The following LRBA variants were observed in gnomAD, a reference collection of about 807,000 sequenced individuals.
LRBA encodes lipopolysaccharide-responsive and beige-like anchor protein.
Under a neutral mutation model 330.0 loss-of-function variants are expected in LRBA, and 176 were observed. The ratio of observed to expected loss-of-function variants is 0.53; its 90% confidence interval spans 0.47 to 0.60. The LOEUF is 0.60. Ranked by LOEUF, LRBA falls within the 20% of genes least tolerant of loss-of-function variation. The pLI is 0.00. For synonymous variants in LRBA, 1,230 were observed against 1,193.0 expected (o/e 1.03, Z -0.64); for missense variants, 3,259 against 3,444.8 (o/e 0.95, Z 1.35).
intron 30 of LRBA, among the ~76,000 whole-genome samples, chr4:150,824,963 C>A (rs950669151): frequency 1.3e-5 from 2 of 151,810 alleles, no homozygotes; most frequent in Non-Finnish European, 2.9e-5. Context: ...TAAAATCTCA[C>A]CGTGTTGCCC....
chr4:150,626,974 T>C (rs1414812431), intron 37 of LRBA, among the ~76,000 whole-genome samples: 2 of 152,280 alleles, frequency 1.3e-5, no homozygotes, highest in East Asian at 1.9e-4. Context: ...GCAACACTTA[T>C]GTTAATGTAA....
chr4:150,486,355 G>C (rs932102423), intron 42 of LRBA, among the ~76,000 whole-genome samples: 18 of 151,610 alleles, frequency 1.2e-4, no homozygotes, highest in African/African-American at 3.9e-4. Context: ...AAATTATATA[G>C]TTTAGGCAAA....
chr4:150,744,435 T>C (rs904115390), intron 35 of LRBA, among the ~76,000 whole-genome samples: 3 of 152,226 alleles, frequency 2.0e-5, no homozygotes, highest in Admixed American at 2.0e-4. Context: ...TGTCAATATT[T>C]CCTTTGTAAT....
intron 55 of LRBA, 106 bp downstream of exon 55, chr4:150,282,344 C>T (rs1747639466): frequency 3.0e-6 from 3 of 1,003,264 alleles, no homozygotes; most frequent in South Asian, 2.9e-5. Flanking sequence ...AAAAGAGGCC[C>T]TCGGCAATCC....
At chr4:150,359,382 T>C (rs1031533608) in intron 47 of LRBA, among the ~76,000 whole-genome samples, 1 of 152,098 alleles carries the variant, frequency 6.6e-6, no homozygotes, top group Non-Finnish European at 1.5e-5. Flanking sequence ...TGAGAGGTAG[T>C]GAGAGCCTTA....
chr4:150,441,836 G>A (rs557642995), intron 44 of LRBA, among the ~76,000 whole-genome samples: 1 of 152,140 alleles, frequency 6.6e-6, no homozygotes, highest in East Asian at 1.9e-4. Context: ...TTTCAAAAAT[G>A]TGCTGTAATC....
At chr4:150,993,440 C>T (rs892290879) in intron 2 of LRBA, among the ~76,000 whole-genome samples, 5 of 152,174 alleles carry the variant, frequency 3.3e-5, no homozygotes, top group African/African-American at 1.2e-4. Context: ...ATAGTAGGCT[C>T]ACACCTGTAA....
intron 2 of LRBA, among the ~76,000 whole-genome samples, chr4:150,934,647 G>A (rs997061549): frequency 2.0e-5 from 3 of 151,994 alleles, no homozygotes; most frequent in African/African-American, 7.2e-5. Flanking sequence ...AAAGGTGGGT[G>A]GATCACCTGA....
At chr4:150,654,280 G>A (rs962002545) in intron 37 of LRBA, among the ~76,000 whole-genome samples, 14 of 152,000 alleles carry the variant, frequency 9.2e-5, no homozygotes, top group African/African-American at 3.4e-4. Flanking sequence ...TCTGCCTCCC[G>A]GGTTCAAGCA....
At chr4:150,559,358 T>C (rs1383374980) in intron 40 of LRBA, among the ~76,000 whole-genome samples, 1 of 150,906 alleles carries the variant, frequency 6.6e-6, no homozygotes, top group Non-Finnish European at 1.5e-5. Context: ...GTCAAGAGAT[T>C]GAGACCATCC....
At chr4:151,005,324 A>C (rs1743886753) in intron 2 of LRBA, among the ~76,000 whole-genome samples, 1 of 148,820 alleles carries the variant, frequency 6.7e-6, no homozygotes. Context: ...AGGCGCCTGT[A>C]ATCCCAGTGA....
chr4:150,602,188 C>T (rs1030554508), intron 37 of LRBA, among the ~76,000 whole-genome samples: 6 of 152,090 alleles, frequency 3.9e-5, no homozygotes, highest in Admixed American at 3.9e-4. Flanking sequence ...GATCACATAT[C>T]TAGAAAGAAT....
At chr4:150,306,356 C>G (rs1422786005) in intron 52 of LRBA, among the ~76,000 whole-genome samples, 1 of 151,784 alleles carries the variant, frequency 6.6e-6, no homozygotes, top group Non-Finnish European at 1.5e-5. Context: ...TATTACTGAT[C>G]ATATGATTTT....
intron 48 of LRBA, among the ~76,000 whole-genome samples, chr4:150,338,735 C>T (rs1013951072): frequency 4.6e-5 from 7 of 152,130 alleles, no homozygotes; most frequent in Admixed American, 2.6e-4. Flanking sequence ...TAGGAAAGGA[C>T]AATGAGTTCT....
intron 42 of LRBA, among the ~76,000 whole-genome samples, chr4:150,479,167 C>T (rs1029330861): frequency 3.9e-5 from 6 of 151,928 alleles, no homozygotes; most frequent in Admixed American, 1.3e-4. Flanking sequence ...ACAGTCCCAG[C>T]TACCGGGAAG....
At chr4:150,632,020 C>T (rs529362529) in intron 37 of LRBA, among the ~76,000 whole-genome samples, 8 of 152,066 alleles carry the variant, frequency 5.3e-5, no homozygotes, top group South Asian at 2.1e-4. Context: ...CATTTGAGGT[C>T]GGGAGTGTGA....
Position 150,588,134 on chromosome 4 carries a change from C to G in LRBA, c.6244G>C (p.Val2082Leu). ...GAGGTGACAGAAAGAGTGCCCTTTA[C>G]TACAACAGAGGGGGCCACAAGCTGA... ...PAQLVAPSVV[V>L]KGTLSVTSSE... The change falls in exon 40 of 57, where the codon GTA becomes CTA. Residue 2082 changes from valine to leucine, a missense_variant. Val to Leu is a conservative substitution (Grantham distance 32). Coordinates refer to ENST00000651943, the MANE Select transcript of LRBA (RefSeq NM_001364905.1). 1 of 1,611,496 alleles carries G rather than the reference C, an allele frequency of 6.2e-7. No homozygotes were observed. Among genetic ancestry groups the G allele is most frequent in the East Asian group, 2.2e-5 (1 of 44,790 alleles).
At chr4:150,798,057 T>A in intron 34 of LRBA, 24 bp downstream of exon 34, 1 of 1,517,024 alleles carries the variant, frequency 6.6e-7, no homozygotes, top group Non-Finnish European at 9.1e-7. Context: ...TACTTTTAAT[T>A]CAACATTTAT....
At chr4:150,431,371 C>T (rs1288686535) in intron 46 of LRBA, among the ~76,000 whole-genome samples, 1 of 152,140 alleles carries the variant, frequency 6.6e-6, no homozygotes, top group Non-Finnish European at 1.5e-5. Flanking sequence ...AGGGTGAAGG[C>T]ATTCTTTCCA....
Sources: gnomAD v4.1 joint callset for allele counts (sites outside exome capture counted in the v4.1 genomes callset) on GRCh38, gnomAD v4.1.1 for gene constraint, MANE v1.5 for transcripts, NCBI Gene and HGNC (gene_info 2026-07-23, HGNC 2026-07-21) for gene names.